The following ADAM12 variants were observed in gnomAD, a reference collection of about 807,000 sequenced individuals.
The protein encoded by ADAM12 is disintegrin and metalloproteinase domain-containing protein 12.
A neutral mutation model predicts 106.4 loss-of-function variants in ADAM12; 70 were observed. The observed-to-expected ratio is 0.66, with a 90% CI of 0.54 to 0.80. The LOEUF (loss-of-function observed/expected upper bound fraction) is 0.80. Among genes scored for constraint, ADAM12 ranks in the 30% least tolerant of loss-of-function variants. ADAM12 has a pLI of 0.00. For synonymous variants in ADAM12, 420 were observed against 433.5 expected (o/e 0.97, Z 0.39); for missense variants, 1,010 against 1,171.9 (o/e 0.86, Z 2.02).
intron 3 of ADAM12, among the ~76,000 whole-genome samples, chr10:126,190,044 TG>T (rs1015471786): frequency 6.6e-6 from 1 of 152,064 alleles, no homozygotes; most frequent in Non-Finnish European, 1.5e-5. Flanking sequence ...CAAATGGTTG[TG>T]CTGAGTGCAG....
Position 126,118,167 on chromosome 10 carries a change from GGTTGCAC to G in ADAM12, c.467_473del (p.Ser156ThrfsTer12), listed in dbSNP as rs1438900464. The G allele has an allele frequency of 6.2e-7, 1 of 1,613,946 alleles. No homozygotes were observed. Among genetic ancestry groups the G allele is most frequent in the Non-Finnish European group, 8.5e-7 (1 of 1,179,972 alleles). On this transcript the variant is annotated frameshift_variant, in exon 6 of 23. Coordinates refer to ENST00000448723, the MANE Select transcript of ADAM12 (RefSeq NM_001288973.2). LOFTEE classifies it high-confidence loss of function. ...TCGCTGGGAAGAGTTTGTATCTGTT[GGTTGCAC>G]TTTTCATTGGTTCTAAGACATAGCT...
chr10:126,314,828 A>G (rs917869192), intron 2 of ADAM12, among the ~76,000 whole-genome samples: 6 of 152,144 alleles, frequency 3.9e-5, no homozygotes, highest in Non-Finnish European at 5.9e-5. Context: ...ACATAAACAG[A>G]GGACTGGAAC....
At chr10:126,127,355 T>C (rs1565078789) in intron 5 of ADAM12, among the ~76,000 whole-genome samples, 1 of 152,256 alleles carries the variant, frequency 6.6e-6, no homozygotes, top group African/African-American at 2.4e-5. Flanking sequence ...CTCCTTCATA[T>C]GTTCTACTGC....
chr10:126,156,190 TG>T (rs1956811682), intron 3 of ADAM12, among the ~76,000 whole-genome samples: 1 of 151,936 alleles, frequency 6.6e-6, no homozygotes, highest in African/African-American at 2.4e-5. Flanking sequence ...GGTAGGGTGA[TG>T]GTTGACACAG....
chr10:126,259,798 A>C (rs531278813), intron 3 of ADAM12, among the ~76,000 whole-genome samples: 135 of 152,338 alleles, frequency 8.9e-4, no homozygotes, highest in African/African-American at 3.2e-3. Context: ...ACGCTCAGTA[A>C]GGTTTGGTGG....
At chr10:126,199,660 G>C (rs1269600513) in intron 3 of ADAM12, among the ~76,000 whole-genome samples, 1 of 152,148 alleles carries the variant, frequency 6.6e-6, no homozygotes, top group Non-Finnish European at 1.5e-5. Flanking sequence ...AGACTTCAGT[G>C]AGTTATTTTA....
intron 2 of ADAM12, among the ~76,000 whole-genome samples, chr10:126,293,049 AC>A (rs541384210): frequency 1.3e-5 from 2 of 152,170 alleles, no homozygotes; most frequent in Non-Finnish European, 2.9e-5. Flanking sequence ...ACATTGCAGA[AC>A]CATTGTTGCT....
intron 12 of ADAM12, chr10:126,067,091 C>T: frequency 2.5e-6 from 1 of 408,030 alleles, no homozygotes; most frequent in Non-Finnish European, 4.6e-6. Flanking sequence ...TCACTCTAGT[C>T]AGCAGTACAC....
chr10:126,018,631 A>G (rs950788427), intron 22 of ADAM12, among the ~76,000 whole-genome samples: 1 of 152,168 alleles, frequency 6.6e-6, no homozygotes, highest in Non-Finnish European at 1.5e-5. Context: ...AATCCTTAAT[A>G]TTGGCTAGGT....
rs1188018158 is a variant in ADAM12 at position 126,323,639 on chromosome 10, G to T, written c.186+6773C>A. Among the ~76,000 whole-genome samples, 3 of 152,206 alleles carry T rather than the reference G, an allele frequency of 2.0e-5. No individual in the cohort carries two copies. The East Asian group carries it at 5.8e-4, about 29-fold the overall frequency. ...CAAGGTGGAAGGGCACAGAGCTGTG[G>T]CTGCTGCCCTGAGGGAGGGCACAGG... On this transcript the variant is annotated intron_variant, in intron 2 of 22. Coordinates refer to ENST00000448723, the MANE Select transcript of ADAM12 (RefSeq NM_001288973.2).
chr10:126,116,316 C>T (rs1203607334), intron 6 of ADAM12, among the ~76,000 whole-genome samples: 2 of 152,146 alleles, frequency 1.3e-5, no homozygotes, highest in Non-Finnish European at 2.9e-5. Flanking sequence ...AAACAAAATG[C>T]AAATGTTCTA....
intron 3 of ADAM12, among the ~76,000 whole-genome samples, chr10:126,214,133 T>C (rs1957946061): frequency 6.6e-6 from 1 of 152,354 alleles, no homozygotes; most frequent in Middle Eastern, 3.4e-3. Context: ...ATTGAACATG[T>C]GGCATTCTGT....
chr10:126,304,506 C>T (rs751212971), intron 2 of ADAM12, among the ~76,000 whole-genome samples: 5 of 151,964 alleles, frequency 3.3e-5, no homozygotes, highest in Non-Finnish European at 5.9e-5. Context: ...CTTAACTACA[C>T]GCTGTCAGCA....
At chr10:126,074,413 C>T (rs1955058617) in intron 11 of ADAM12, among the ~76,000 whole-genome samples, 1 of 152,152 alleles carries the variant, frequency 6.6e-6, no homozygotes, top group South Asian at 2.1e-4. Flanking sequence ...GCAACAAACA[C>T]ACAAACATTG....
At chr10:126,190,093 C>T (rs576916942) in intron 3 of ADAM12, among the ~76,000 whole-genome samples, 1 of 152,276 alleles carries the variant, frequency 6.6e-6, no homozygotes, top group Admixed American at 6.5e-5. Flanking sequence ...CGGGGCCAGG[C>T]TTCCCCACCT....
At chr10:126,147,521 G>A (rs566997324) in intron 4 of ADAM12, among the ~76,000 whole-genome samples, 2 of 152,262 alleles carry the variant, frequency 1.3e-5, no homozygotes, top group South Asian at 2.1e-4. Flanking sequence ...GGTCCTATAC[G>A]CTATGACTTT....
At chr10:126,339,197 A>G (rs1854829265) in intron 1 of ADAM12, among the ~76,000 whole-genome samples, 1 of 152,136 alleles carries the variant, frequency 6.6e-6, no homozygotes, top group African/African-American at 2.4e-5. Context: ...TGTTGCCCAA[A>G]TCAATATTTT....
rs147389388 is a variant in ADAM12, at chr10:126,190,817, G to C, written c.261-35512C>G. ...GGGAGGAATGTTCCCACACAGGGCA[G>C]AGGCAGGAAAGAGCAGAGCAGCCCA... is the stretch of plus-strand genomic sequence containing the variant. On this transcript the variant is annotated intron_variant, in intron 3 of 22. Coordinates refer to ENST00000448723, the MANE Select transcript of ADAM12 (RefSeq NM_001288973.2). Among the ~76,000 whole-genome samples, 738 of 152,204 alleles carry C rather than the reference G, an allele frequency of 4.8e-3. 3 individuals carry two copies. Among genetic ancestry groups the C allele is most frequent in the Admixed American group, 8.3e-3 (127 of 15,292 alleles).
chr10:126,336,386 C>T (rs1854700314), intron 1 of ADAM12, among the ~76,000 whole-genome samples: 1 of 152,156 alleles, frequency 6.6e-6, no homozygotes, highest in African/African-American at 2.4e-5. Context: ...TCACTGGGGG[C>T]TCCAAATACC....
Sources: allele counts gnomAD v4.1 joint callset (sites outside exome capture counted in the v4.1 genomes callset), GRCh38; gene constraint gnomAD v4.1.1; transcripts MANE v1.5; gene names NCBI Gene and HGNC (gene_info 2026-07-23, HGNC 2026-07-21).